MAGI2: variants seen among roughly 807,000 people sequenced by gnomAD.
The protein encoded by MAGI2 is membrane-associated guanylate kinase, WW and PDZ domain-containing protein 2.
Under a neutral mutation model 133.3 loss-of-function variants are expected in MAGI2, and 35 were observed. That is an observed-to-expected ratio of 0.26 (90% CI 0.20 to 0.35). The LOEUF (loss-of-function observed/expected upper bound fraction) is 0.35. MAGI2 is among the 10% of genes least tolerant of loss of function. The pLI, the probability that MAGI2 is intolerant of heterozygous loss-of-function variation, is 1.00. For synonymous variants in MAGI2, 729 were observed against 710.6 expected, an observed-to-expected ratio of 1.03 and a Z score of -0.41; for missense variants, 1,636 against 1,863.4, an observed-to-expected ratio of 0.88 and a Z score of 2.25.
intron 2 of MAGI2, among the ~76,000 whole-genome samples, chr7:78,736,104 T>C (rs1226911007): frequency 6.6e-6 from 1 of 152,138 alleles, no homozygotes; most frequent in South Asian, 2.1e-4. Context: ...AGATCACATA[T>C]TGATAAACCA....
chr7:78,655,944 G>A (rs1812208402), intron 2 of MAGI2, among the ~76,000 whole-genome samples: 2 of 131,416 alleles, frequency 1.5e-5, no homozygotes, highest in Non-Finnish European at 3.1e-5. Flanking sequence ...TCGCGCCACT[G>A]CACTCCAGCC....
At chr7:78,893,427 A>C (rs1386979478) in intron 2 of MAGI2, among the ~76,000 whole-genome samples, 1 of 152,164 alleles carries the variant, frequency 6.6e-6, no homozygotes, top group Non-Finnish European at 1.5e-5. Flanking sequence ...AGACACAGGC[A>C]CACGTATGTT....
chr7:79,276,363 G>A (rs1228176883), intron 1 of MAGI2, among the ~76,000 whole-genome samples: 1 of 152,150 alleles, frequency 6.6e-6, no homozygotes. Flanking sequence ...GGAGCCTGAA[G>A]TCACTCCACC....
intron 10 of MAGI2, among the ~76,000 whole-genome samples, chr7:78,224,133 T>C (rs1385805786): frequency 6.6e-6 from 1 of 152,182 alleles, no homozygotes; most frequent in Non-Finnish European, 1.5e-5. Flanking sequence ...GTTTGTTCAG[T>C]TGGCATTTTT....
chr7:78,227,604 A>C (rs1789520751), intron 10 of MAGI2, among the ~76,000 whole-genome samples: 2 of 152,124 alleles, frequency 1.3e-5, no homozygotes, highest in Non-Finnish European at 1.5e-5. Flanking sequence ...GCATCATAGG[A>C]TTTAGACTTT....
intron 3 of MAGI2, among the ~76,000 whole-genome samples, chr7:78,592,927 C>G (rs1031495402): frequency 1.3e-5 from 2 of 149,486 alleles, no homozygotes; most frequent in African/African-American, 5.0e-5. Flanking sequence ...CTCCACCTCC[C>G]GAGCTCAAGC....
chr7:78,763,538 A>G (rs1824725599), intron 2 of MAGI2, among the ~76,000 whole-genome samples: 1 of 152,182 alleles, frequency 6.6e-6, no homozygotes, highest in African/African-American at 2.4e-5. Flanking sequence ...GATGACTTAT[A>G]TACTCTGGCT....
chr7:78,761,908 T>C (rs1398701504), intron 2 of MAGI2, among the ~76,000 whole-genome samples: 1 of 151,872 alleles, frequency 6.6e-6, no homozygotes, highest in Non-Finnish European at 1.5e-5. Flanking sequence ...CTCATTGCAA[T>C]AGTGGCTGGA....
At chr7:78,269,547 T>A (rs1034287860) in intron 9 of MAGI2, among the ~76,000 whole-genome samples, 6 of 151,984 alleles carry the variant, frequency 3.9e-5, no homozygotes, top group Non-Finnish European at 7.4e-5. Context: ...ATGATGAGCT[T>A]TTTTTTCATG....
intron 1 of MAGI2, among the ~76,000 whole-genome samples, chr7:79,123,896 G>A (rs1401430617): frequency 2.7e-5 from 4 of 148,320 alleles, no homozygotes; most frequent in East Asian, 4.0e-4. Flanking sequence ...TCTTTTAGTT[G>A]TCTTATTTGT....
chr7:78,444,527 G>A (rs77277001), intron 6 of MAGI2, among the ~76,000 whole-genome samples: 1 of 151,856 alleles, frequency 6.6e-6, no homozygotes, highest in Non-Finnish European at 1.5e-5. Context: ...CATTTCTCAT[G>A]AAGAATAAAT....
chr7:79,384,889 T>TTATA (rs1844067854), intron 1 of MAGI2, among the ~76,000 whole-genome samples: 1 of 151,752 alleles, frequency 6.6e-6, no homozygotes, highest in Non-Finnish European at 1.5e-5. Context: ...GATGGAAATC[T>TTATA]CATTTTTCCA....
intron 1 of MAGI2, among the ~76,000 whole-genome samples, chr7:79,426,036 G>A (rs562310800): frequency 1.6e-4 from 25 of 152,252 alleles, no homozygotes; most frequent in African/African-American, 4.1e-4. Context: ...GATGGTCTTC[G>A]AAACATTATA....
At chr7:78,528,578 C>T (rs1797178343) in intron 3 of MAGI2, among the ~76,000 whole-genome samples, 1 of 151,950 alleles carries the variant, frequency 6.6e-6, no homozygotes. Flanking sequence ...AAATATAACC[C>T]AGAAAATATT....
chr7:78,363,959 G>T (rs1016420141), intron 7 of MAGI2, among the ~76,000 whole-genome samples: 2 of 152,226 alleles, frequency 1.3e-5, no homozygotes, highest in Admixed American at 1.3e-4. Flanking sequence ...TACTTGGCAT[G>T]CACGAAGTGC....
intron 10 of MAGI2, among the ~76,000 whole-genome samples, chr7:78,232,135 A>C (rs1259225399): frequency 6.6e-6 from 1 of 152,196 alleles, no homozygotes; most frequent in Non-Finnish European, 1.5e-5. Flanking sequence ...AGCTTCAAAC[A>C]AAATTGGCAG....
chr7:79,442,848 A>C (rs1257989423), intron 1 of MAGI2, among the ~76,000 whole-genome samples: 1 of 152,132 alleles, frequency 6.6e-6, no homozygotes, highest in African/African-American at 2.4e-5. Flanking sequence ...AGACTTTTGG[A>C]ACATTTTAGT....
chr7:78,561,584 C>G (rs1421661545), intron 3 of MAGI2, among the ~76,000 whole-genome samples: 1 of 151,978 alleles, frequency 6.6e-6, no homozygotes, highest in Non-Finnish European at 1.5e-5. Flanking sequence ...GACTTTAGAC[C>G]AAGGTGGAAG....
intron 10 of MAGI2, among the ~76,000 whole-genome samples, chr7:78,249,592 G>T (rs1266353585): frequency 6.6e-6 from 1 of 152,060 alleles, no homozygotes; most frequent in Non-Finnish European, 1.5e-5. Context: ...ATTACATTAA[G>T]TATGCCAGGC....
Sources: gnomAD v4.1 joint callset for allele counts (sites outside exome capture counted in the v4.1 genomes callset) on GRCh38, gnomAD v4.1.1 for gene constraint, MANE v1.5 for transcripts, NCBI Gene and HGNC (gene_info 2026-07-23, HGNC 2026-07-21) for gene names.